Variants in USP13 observed in about 807,000 individuals in gnomAD.
USP13 encodes ubiquitin specific peptidase 13.
USP13 carries 68 observed loss-of-function variants against 107.8 expected under a neutral mutation model. That is an observed-to-expected ratio of 0.63 (90% CI 0.52 to 0.77). The LOEUF is 0.77. USP13 is among the 30% of genes least tolerant of loss of function. The pLI is 0.00. For synonymous variants in USP13, 377 were observed against 389.5 expected, an observed-to-expected ratio of 0.97 and a Z score of 0.38; for missense variants, 945 against 1,093.3, an observed-to-expected ratio of 0.86 and a Z score of 1.91.
intron 19 of USP13, among the ~76,000 whole-genome samples, chr3:179,774,531 C>T (rs1002472668): frequency 1.3e-5 from 2 of 151,788 alleles, no homozygotes; most frequent in African/African-American, 2.4e-5. Flanking sequence ...TTGTTCGTTC[C>T]TCCTGTCCGG....
At chr3:179,671,416 G>A (rs1420164056) in intron 1 of USP13, among the ~76,000 whole-genome samples, 1 of 151,974 alleles carries the variant, frequency 6.6e-6, no homozygotes, top group Non-Finnish European at 1.5e-5. Flanking sequence ...TGTTCCTGAA[G>A]AGAAATTTAA....
intron 6 of USP13, among the ~76,000 whole-genome samples, chr3:179,719,016 A>G (rs1033236128): frequency 7.9e-5 from 12 of 152,052 alleles, no homozygotes; most frequent in Admixed American, 2.0e-4. Flanking sequence ...CGGCCTCCCA[A>G]AGAAGATTCT....
chr3:179,759,625 T>A (rs1714934445), intron 16 of USP13, among the ~76,000 whole-genome samples: 1 of 152,244 alleles, frequency 6.6e-6, no homozygotes, highest in Non-Finnish European at 1.5e-5. Flanking sequence ...TCTGAACATT[T>A]GACCTGGATA....
chr3:179,657,308 A>G (rs1183405276), intron 1 of USP13, among the ~76,000 whole-genome samples: 1 of 152,136 alleles, frequency 6.6e-6, no homozygotes, highest in East Asian at 1.9e-4. Context: ...ACCTGAGGTC[A>G]GGAGTTTGAC....
At position 179,757,042 on chromosome 3, in the gene USP13, T is replaced by C; in HGVS notation, c.1922-10T>C. ...TGGTCTCATTTTCTGTCCTCTCCCT[T>C]AATTTCCAGATCGCCTGATGAACCA... On this transcript the variant is annotated splice_polypyrimidine_tract_variant and intron_variant, in intron 15 of 20. Coordinates refer to ENST00000263966, the MANE Select transcript of USP13 (RefSeq NM_003940.3). The C allele has an allele frequency of 6.2e-7, 1 of 1,614,064 alleles. No homozygotes were observed. The highest frequency in any genetic ancestry group is 8.5e-7 in the Non-Finnish European group (1 of 1,179,912).
At position 179,730,663 on chromosome 3, in the gene USP13, C is replaced by T. The variant is rs375364459; in HGVS notation, c.1208C>T (p.Pro403Leu). The change falls in exon 10 of 21, where the codon CCG becomes CTG. Residue 403 changes from proline (P) to leucine (L), a missense_variant. Physicochemically the swap from Pro to Leu is moderately conservative, Grantham distance 98. Coordinates refer to ENST00000263966, the MANE Select transcript of USP13 (RefSeq NM_003940.3). ...CTCTCAGGCCAGTATTCAAAGCCTC[C>T]GGTGAAATCTGAACTCATTGAACAG... ...GLLSGQYSKP[P>L]VKSELIEQVM... The T allele has an allele frequency of 7.8e-5, 126 of 1,613,946 alleles. No homozygotes were observed. Among genetic ancestry groups the T allele is most frequent in the African/African-American group, 7.5e-4 (56 of 74,904 alleles).
rs140760133 is a variant in USP13, at chr3:179,740,258, C to T, written c.1266C>T (p.Asn422=). 1.2e-4 allele frequency: 193 copies of T among 1,614,088 alleles called. No individual in the cohort carries two copies. The highest frequency in any genetic ancestry group is 1.5e-4 in the Non-Finnish European group (182 of 1,179,984). Residue 422 remains asparagine (N), a synonymous_variant, in exon 11 of 21, where the codon AAC becomes AAT. Transcript: ENST00000263966. ...VMKEEHKPQQ[N]GISPRMFKAF... is the part of the protein sequence containing the mutation. ...TTTTTATACATTAGCCACAGCAGAA[C>T]GGGATCTCTCCGCGCATGTTTAAGG... is the stretch of plus-strand genomic sequence containing the variant.
intron 1 of USP13, among the ~76,000 whole-genome samples, chr3:179,655,821 A>G (rs1160689128): frequency 6.6e-6 from 1 of 152,046 alleles, no homozygotes; most frequent in Non-Finnish European, 1.5e-5. Flanking sequence ...CCAAAGTGCC[A>G]GGATTACAGG....
intron 10 of USP13, among the ~76,000 whole-genome samples, chr3:179,738,565 C>A (rs1464568151): frequency 2.0e-5 from 3 of 152,204 alleles, no homozygotes; most frequent in Non-Finnish European, 4.4e-5. Flanking sequence ...ATTAACGAGA[C>A]AGTAGGTATC....
intron 10 of USP13, among the ~76,000 whole-genome samples, chr3:179,738,718 A>AT (rs1714079045): frequency 1.3e-5 from 2 of 152,012 alleles, no homozygotes; most frequent in South Asian, 4.1e-4. Context: ...ATTCCTTGTG[A>AT]TTTTCTGTAG....
In USP13 at chr3:179,678,417, A is replaced by G. The variant is rs1237902002; in HGVS notation, c.169-3461A>G. ...AATTTTATTTAAATGATTTCAGGTA[A>G]AGGCAGAAAAGTTATCCACAAGCAC... On this transcript the variant is annotated intron_variant, in intron 1 of 20. Transcript: ENST00000263966. This position sits in a 1 kb window ranked among gnomAD's most constrained non-coding sequence, Gnocchi z 4.2. Among the ~76,000 whole-genome samples, 5 of 152,126 alleles carry G rather than the reference A, an allele frequency of 3.3e-5. No individual in the cohort carries two copies. Among genetic ancestry groups the G allele is most frequent in the African/African-American group, 9.7e-5 (4 of 41,418 alleles).
chr3:179,667,496 C>T (rs1720620796), intron 1 of USP13, among the ~76,000 whole-genome samples: 1 of 152,212 alleles, frequency 6.6e-6, no homozygotes, highest in Non-Finnish European at 1.5e-5. Flanking sequence ...GGAACTGCTG[C>T]AGGTGCTCAG....
intron 1 of USP13, among the ~76,000 whole-genome samples, chr3:179,667,953 G>A (rs755783521): frequency 2.6e-5 from 4 of 151,866 alleles, no homozygotes; most frequent in African/African-American, 4.8e-5. Flanking sequence ...CGGCTGATTC[G>A]GTTTTATACT....
Position 179,788,933 on chromosome 3 carries a change from G to C in USP13, c.*4792G>C, listed in dbSNP as rs3732993. 0.16 allele frequency: 24,107 copies of C among 152,018 alleles called. 2,031 individuals carry two copies. Among genetic ancestry groups the C allele is most frequent in the East Asian group, 0.21 (1,080 of 5,178 alleles). 9.4% of individuals were successfully genotyped at this position (152,018 alleles called of 1,614,324 possible). ...CCGAAAAACCAATATATATATGTAT[G>C]ATCCCAATTAAAAGACAAAAGCAAA... On this transcript the variant is annotated 3_prime_UTR_variant, in exon 21 of 21. Transcript: ENST00000263966.
intron 17 of USP13, among the ~76,000 whole-genome samples, chr3:179,762,586 A>T (rs545286087): frequency 1.3e-5 from 2 of 152,290 alleles, no homozygotes; most frequent in South Asian, 2.1e-4. Flanking sequence ...ATCTAAAATA[A>T]TAATAATAAT....
chr3:179,728,273 T>C (rs1222515658), intron 8 of USP13, among the ~76,000 whole-genome samples: 18 of 130,054 alleles, frequency 1.4e-4, no homozygotes, highest in Non-Finnish European at 2.2e-4. Context: ...GACGGGGCAG[T>C]TGCCGGGCGG....
intron 8 of USP13, among the ~76,000 whole-genome samples, chr3:179,724,688 AC>A (rs1713451475): frequency 6.6e-6 from 1 of 152,218 alleles, no homozygotes; most frequent in Non-Finnish European, 1.5e-5. Context: ...TGGAATGACA[AC>A]CAAGGTAGAT....
intron 1 of USP13, among the ~76,000 whole-genome samples, chr3:179,659,522 C>T (rs764116123): frequency 1.3e-5 from 2 of 152,042 alleles, no homozygotes; most frequent in East Asian, 1.9e-4. Flanking sequence ...AGTTTGAGAC[C>T]GAGTGATAGG....
intron 16 of USP13, among the ~76,000 whole-genome samples, chr3:179,758,394 GATTTGGCC>G (rs1347870039): frequency 1.3e-5 from 2 of 152,106 alleles, no homozygotes; most frequent in Non-Finnish European, 2.9e-5. Flanking sequence ...TAGTGTTGCT[GATTTGGCC>G]ATTTATTTCC....
Sources: gnomAD v4.1 joint callset for allele counts (sites outside exome capture counted in the v4.1 genomes callset) on GRCh38, gnomAD v4.1.1 for gene constraint, Gnocchi (gnomAD v3.1) non-coding constraint, MANE v1.5 for transcripts, NCBI Gene and HGNC (gene_info 2026-07-23, HGNC 2026-07-21) for gene names.